Variants in PTPN12 observed in about 807,000 individuals in gnomAD.
PTPN12 encodes the protein protein tyrosine phosphatase non-receptor type 12.
PTPN12 carries 29 observed loss-of-function variants against 97.6 expected under a neutral mutation model. That is an observed-to-expected ratio of 0.30 (90% CI 0.22 to 0.41). PTPN12 has a LOEUF of 0.41. Among genes scored for constraint, PTPN12 ranks in the 10% least tolerant of loss-of-function variants. The pLI is 1.00. For synonymous variants in PTPN12, 327 were observed against 300.4 expected, an observed-to-expected ratio of 1.09 and a Z score of -0.91; for missense variants, 819 against 926.0, an observed-to-expected ratio of 0.88 and a Z score of 1.50.
chr7:77,585,588 A>G lies in PTPN12; in HGVS notation c.420+7A>G, dbSNP rs780701558. 44 of 1,590,168 alleles carry G rather than the reference A, an allele frequency of 2.8e-5. No homozygotes were observed. The highest frequency in any genetic ancestry group is 8.4e-5 in the Admixed American group (5 of 59,836). ...AGAATTTGAGATGGGAAGGGTATGT[A>G]TAATCTATTCCTCTTACTATTTCAT... is the stretch of plus-strand genomic sequence containing the variant. On this transcript the variant is annotated splice_region_variant and intron_variant, in intron 5 of 17. Coordinates refer to ENST00000248594, the MANE Select transcript of PTPN12 (RefSeq NM_002835.4).
At chr7:77,613,581 C>T (rs979976775) in intron 11 of PTPN12, among the ~76,000 whole-genome samples, 2 of 152,000 alleles carry the variant, frequency 1.3e-5, no homozygotes, top group Admixed American at 6.5e-5. Flanking sequence ...AGGCTGGATG[C>T]AGTGGCTCAT....
intron 8 of PTPN12, among the ~76,000 whole-genome samples, chr7:77,606,489 C>G (rs1157880689): frequency 6.6e-6 from 1 of 151,570 alleles, no homozygotes; most frequent in East Asian, 2.0e-4. Flanking sequence ...CTCGACCTCC[C>G]AGGCTCAAGC....
chr7:77,638,577 A>G, intron 16 of PTPN12, 47 bp from the exon 17 acceptor site: 1 of 1,517,336 alleles, frequency 6.6e-7, no homozygotes, highest in South Asian at 1.4e-5. Context: ...TATATATATG[A>G]TGCTACAAAG....
chr7:77,605,411 T>G (rs1357406017), intron 8 of PTPN12, among the ~76,000 whole-genome samples: 3,064 of 49,932 alleles, frequency 0.061, 744 homozygotes, highest in African/African-American at 0.25. Flanking sequence ...TGTCATGAGT[T>G]TTTTTTTTTT....
At chr7:77,569,561 A>C (rs1808390350) in intron 1 of PTPN12, among the ~76,000 whole-genome samples, 1 of 152,284 alleles carries the variant, frequency 6.6e-6, no homozygotes, top group African/African-American at 2.4e-5. Context: ...ACCTAAGGTC[A>C]GGAGTTCAAG....
chr7:77,583,163 A>G (rs1164308814), intron 3 of PTPN12, among the ~76,000 whole-genome samples: 1 of 152,214 alleles, frequency 6.6e-6, no homozygotes, highest in Non-Finnish European at 1.5e-5. Context: ...TAGCTATGGA[A>G]GAAACTAAGA....
chr7:77,632,151 C>A (rs1274407602), intron 13 of PTPN12, among the ~76,000 whole-genome samples, 197 bp from the exon 14 acceptor site: 1 of 152,204 alleles, frequency 6.6e-6, no homozygotes, highest in Non-Finnish European at 1.5e-5. Flanking sequence ...GGGAGAGAGT[C>A]ATTTCTGTAT....
At chr7:77,544,426 G>A (rs1028690970) in intron 1 of PTPN12, among the ~76,000 whole-genome samples, 6 of 152,164 alleles carry the variant, frequency 3.9e-5, no homozygotes, top group African/African-American at 1.4e-4. Flanking sequence ...AAGTGGAAGT[G>A]AACTTTTAAG....
Position 77,610,998 on chromosome 7 carries a change from G to A in PTPN12, c.891G>A (p.Gln297=), listed in dbSNP as rs753644682. ...HRAIAQLFEK[Q]LQLYEIHGAQ... ...CTATTGCCCAACTGTTTGAAAAACAGCTACAACTATATGAAATTCATGGAG... is the reference window on the plus strand; with the variant it reads ...CTATTGCCCAACTGTTTGAAAAACAACTACAACTATATGAAATTCATGGAG... The change falls in exon 11 of 18, where the codon CAG becomes CAA. Residue 297 remains glutamine, a synonymous_variant. Transcript: ENST00000248594. The A allele has an allele frequency of 6.2e-7, 1 of 1,613,442 alleles. No individual in the cohort carries two copies. Among genetic ancestry groups the A allele is most frequent in the Admixed American group, 1.7e-5 (1 of 60,012 alleles).
chr7:77,600,919 A>G (rs1444905315), intron 8 of PTPN12, 113 bp downstream of exon 8: 2 of 952,462 alleles, frequency 2.1e-6, no homozygotes, highest in Non-Finnish European at 3.1e-6. Context: ...GCCTTGATAC[A>G]ATGTTTGGGA....
chr7:77,638,004 C>A (rs1789666981), intron 16 of PTPN12, among the ~76,000 whole-genome samples: 1 of 107,806 alleles, frequency 9.3e-6, no homozygotes, highest in African/African-American at 3.7e-5. Context: ...GTCGCCCAGG[C>A]TGGAGTGCAG....
Position 77,587,824 on chromosome 7 carries a change from C to T in PTPN12, c.420+2243C>T, listed in dbSNP as rs541015876. Among the ~76,000 whole-genome samples, 12 of 152,308 alleles carry T rather than the reference C, an allele frequency of 7.9e-5. No homozygotes were observed. The South Asian group carries it at 1.0e-3, about 13-fold the overall frequency. ...AGATCTTTGGATAACTTGCTGCAGC[C>T]TCTAAATCAGAATTTGGTGCTTCAT... On this transcript the variant is annotated intron_variant, in intron 5 of 17. Transcript: ENST00000248594.
At chr7:77,564,978 G>A (rs1312697148) in intron 1 of PTPN12, among the ~76,000 whole-genome samples, 1 of 142,552 alleles carries the variant, frequency 7.0e-6, no homozygotes, top group African/African-American at 2.4e-5. Context: ...GGATGGTCTC[G>A]ATCTCCTGAC....
chr7:77,616,887 A>G (rs959813395), intron 11 of PTPN12, among the ~76,000 whole-genome samples: 2 of 152,028 alleles, frequency 1.3e-5, no homozygotes, highest in Admixed American at 1.3e-4. Flanking sequence ...GGTTCAAGTG[A>G]TTCTCCTGCC....
Position 77,611,117 on chromosome 7 carries a change from T to G in PTPN12, c.939+71T>G, listed in dbSNP as rs148335526. On this transcript the variant is annotated intron_variant, in intron 11 of 17. Coordinates refer to ENST00000248594, the MANE Select transcript of PTPN12 (RefSeq NM_002835.4). ...TTAAGATGTAATATTTAGCCTTTTTTTTGTTGTCTTGTGTTTTGTCTAACA... is the reference window on the plus strand; with the variant it reads ...TTAAGATGTAATATTTAGCCTTTTTGTTGTTGTCTTGTGTTTTGTCTAACA... The G allele has an allele frequency of 7.0e-4, 849 of 1,217,354 alleles. 3 individuals carry two copies. The highest frequency in any genetic ancestry group is 9.2e-4 in the Non-Finnish European group (775 of 840,146). 75.4% of individuals were successfully genotyped at this position (1,217,354 alleles called of 1,614,324 possible).
At position 77,581,282 on chromosome 7, in the gene PTPN12, AT is replaced by A. The variant is rs1787508859; in HGVS notation, c.209-143del. The A allele has an allele frequency of 3.9e-5, 18 of 459,722 alleles. No individual in the cohort carries two copies. The East Asian group carries it at 6.7e-4, about 17-fold the overall frequency. 28.5% of individuals were successfully genotyped at this position (459,722 alleles called of 1,614,324 possible). A position where few individuals can be genotyped will look rare whatever the true frequency, so the allele number is the denominator to read the frequency against. ...ATTTCCTTTCAGTTTAATGTTAGAA[AT>A]TACCCTGCTGGTACCTAGAGTCCAT... On this transcript the variant is annotated intron_variant, in intron 2 of 17. Coordinates refer to ENST00000248594, the MANE Select transcript of PTPN12 (RefSeq NM_002835.4).
intron 7 of PTPN12, among the ~76,000 whole-genome samples, chr7:77,600,180 C>A (rs1788147929): frequency 6.6e-6 from 1 of 152,148 alleles, no homozygotes; most frequent in African/African-American, 2.4e-5. Context: ...ATTCATCTCT[C>A]CATTCTTTTT....
chr7:77,630,450 C>T (rs1789359690), intron 13 of PTPN12, among the ~76,000 whole-genome samples: 1 of 152,140 alleles, frequency 6.6e-6, no homozygotes, highest in African/African-American at 2.4e-5. Flanking sequence ...GTATATACTA[C>T]ACATCTGGGC....
At chr7:77,606,364 T>A (rs1471615166) in intron 8 of PTPN12, among the ~76,000 whole-genome samples, 2 of 152,196 alleles carry the variant, frequency 1.3e-5, no homozygotes, top group African/African-American at 4.8e-5. Context: ...AGCTATTCTC[T>A]GTGTCACTTA....
Sources: gnomAD v4.1 joint callset for allele counts (sites outside exome capture counted in the v4.1 genomes callset) on GRCh38, gnomAD v4.1.1 for gene constraint, MANE v1.5 for transcripts, NCBI Gene and HGNC (gene_info 2026-07-23, HGNC 2026-07-21) for gene names.